Variants in PDPK1 observed in about 807,000 individuals in gnomAD.
The protein encoded by PDPK1 is 3-phosphoinositide-dependent protein kinase 1.
In PDPK1, 7 loss-of-function variants were observed where a neutral mutation model predicts 39.8. The observed-to-expected ratio is 0.18, with a 90% CI of 0.10 to 0.33. The LOEUF (loss-of-function observed/expected upper bound fraction) is 0.33. Ranked by LOEUF, PDPK1 falls within the 10% of genes least tolerant of loss-of-function variation. The probability of loss-of-function intolerance (pLI) is 1.00; values close to 1 mark genes in which losing one functional copy is unlikely to be tolerated. For synonymous variants in PDPK1, 118 were observed against 159.1 expected, an observed-to-expected ratio of 0.74 and a Z score of 1.95; for missense variants, 182 against 384.7, an observed-to-expected ratio of 0.47 and a Z score of 4.41.
At chr16:2,596,240 A>G (rs1012923689) in intron 12 of PDPK1, among the ~76,000 whole-genome samples, 3 of 152,122 alleles carry the variant, frequency 2.0e-5, no homozygotes, top group African/African-American at 7.2e-5. Flanking sequence ...CCCCCAGGCT[A>G]GAGTGCAGTG....
rs758033515 is a variant in PDPK1, at chr16:2,593,315, A to C, written c.1344-2478A>C. On this transcript the variant is annotated intron_variant, in intron 11 of 13. Coordinates refer to ENST00000342085, the MANE Select transcript of PDPK1 (RefSeq NM_002613.5). The surrounding 1 kb of genome is among the most constrained non-coding windows in gnomAD (Gnocchi z 4.2). Reference sequence around the variant, plus strand: ...TTCCAAGCCTCTCGTGGCACTGTGAATTTGCTGTGGGGTGCAGCTGATGGC... The same window carrying C: ...TTCCAAGCCTCTCGTGGCACTGTGACTTTGCTGTGGGGTGCAGCTGATGGC... 1.4e-4 allele frequency: 50 copies of C among 348,510 alleles called. No individual in the cohort carries two copies. The highest frequency in any genetic ancestry group is 8.9e-5 in the Non-Finnish European group (16 of 178,884). 21.6% of individuals were successfully genotyped at this position (348,510 alleles called of 1,614,324 possible).
At chr16:2,541,506 G>C (rs566639849) in intron 1 of PDPK1, among the ~76,000 whole-genome samples, 1 of 152,336 alleles carries the variant, frequency 6.6e-6, no homozygotes, top group South Asian at 2.1e-4. Context: ...AGGATGCCAC[G>C]TGGTGCTGCA....
intron 1 of PDPK1, chr16:2,553,997 A>G (rs2066464817): frequency 7.4e-6 from 1 of 135,012 alleles, no homozygotes; most frequent in Non-Finnish European, 1.6e-5. Context: ...TTGAATCACC[A>G]CCTCAAAATG....
chr16:2,542,280 C>T (rs555044485), intron 1 of PDPK1, among the ~76,000 whole-genome samples: 1 of 152,310 alleles, frequency 6.6e-6, no homozygotes, highest in African/African-American at 2.4e-5. Context: ...GTGCCTCAGG[C>T]TCCCAAGTAG....
rs1392687148 is a variant in PDPK1 at position 2,597,472 on chromosome 16, T to C, written c.1555-179T>C. ...GACACCCTGTGCTTGTTTTTCAGTT[T>C]GGTGGTGACTGGGGGTGGTGGTCAT... On this transcript the variant is annotated intron_variant, in intron 13 of 13. Coordinates refer to ENST00000342085, the MANE Select transcript of PDPK1 (RefSeq NM_002613.5). This position sits in a 1 kb window ranked among gnomAD's most constrained non-coding sequence, Gnocchi z 6.3. Among the ~76,000 whole-genome samples the C allele has an allele frequency of 2.6e-5, 4 of 152,166 alleles. No homozygotes were observed. The highest frequency in any genetic ancestry group is 5.9e-5 in the Non-Finnish European group (4 of 68,020).
Position 2,599,770 on chromosome 16 carries a change from C to G in PDPK1, c.*2003C>G, listed in dbSNP as rs1322708976. On this transcript the variant is annotated 3_prime_UTR_variant, in exon 14 of 14. Transcript: ENST00000342085. ...CCTGTGTCTCCATGTAGGAGAGTGGCTCTCTCAGATCTCTCAGGGCGTCTG... is the reference window on the plus strand; with the variant it reads ...CCTGTGTCTCCATGTAGGAGAGTGGGTCTCTCAGATCTCTCAGGGCGTCTG... 4.3e-6 allele frequency: 1 copy of G among 233,630 alleles called. No individual in the cohort carries two copies. The highest frequency in any genetic ancestry group is 8.4e-6 in the Non-Finnish European group (1 of 118,350). 14.5% of individuals were successfully genotyped at this position (233,630 alleles called of 1,614,324 possible).
intron 11 of PDPK1, among the ~76,000 whole-genome samples, chr16:2,587,157 A>G (rs1307377453): frequency 6.6e-6 from 1 of 152,192 alleles, no homozygotes; most frequent in Non-Finnish European, 1.5e-5. Context: ...TCACTGTGGT[A>G]TGGACAGACG....
rs552886028 is a variant in PDPK1, at chr16:2,596,222, T to C, written c.1401+372T>C. Among the ~76,000 whole-genome samples, 58 of 152,298 alleles carry C rather than the reference T, an allele frequency of 3.8e-4. No individual in the cohort carries two copies. The South Asian group carries it at 6.6e-3, about 17-fold the overall frequency. On this transcript the variant is annotated intron_variant, in intron 12 of 13. Transcript: ENST00000342085. ...TATTTTTTTCTTTGAGATGGAGTCT[T>C]GCTCTGTCCCCCAGGCTAGAGTGCA...
rs982704749 is a variant in PDPK1 at position 2,597,336 on chromosome 16, G to A, written c.1554+61G>A. The A allele has an allele frequency of 3.5e-6, 5 of 1,435,486 alleles. No homozygotes were observed. In the African/African-American group the frequency reaches 5.7e-5, roughly 16 times the overall value. 88.9% of individuals were successfully genotyped at this position (1,435,486 alleles called of 1,614,324 possible). A position where few individuals can be genotyped will look rare whatever the true frequency, so the allele number is the denominator to read the frequency against. On this transcript the variant is annotated intron_variant, in intron 13 of 13. Coordinates refer to ENST00000342085, the MANE Select transcript of PDPK1 (RefSeq NM_002613.5). This position sits in a 1 kb window ranked among gnomAD's most constrained non-coding sequence, Gnocchi z 6.3. ...AATGGGAGGGCTTTGCACCACGTGGGAAGCAGCCACAGGCCTTGGCCAGAG... is the reference window on the plus strand; with the variant it reads ...AATGGGAGGGCTTTGCACCACGTGGAAAGCAGCCACAGGCCTTGGCCAGAG...
chr16:2,545,185 G>A (rs1361276046), intron 1 of PDPK1, among the ~76,000 whole-genome samples: 3 of 151,642 alleles, frequency 2.0e-5, no homozygotes, highest in African/African-American at 7.3e-5. Context: ...TTACAGGTGT[G>A]TACCACCAGT....
Position 2,538,125 on chromosome 16 carries a change from A to G in PDPK1, c.13A>G (p.Thr5Ala), listed in dbSNP as rs1597008688. The G allele has an allele frequency of 2.8e-6, 3 of 1,065,396 alleles. No homozygotes were observed. The highest frequency in any genetic ancestry group is 3.4e-6 in the Non-Finnish European group (3 of 881,264). The allele number at this position is 1,065,396 out of a possible 1,614,324, so 66.0% of individuals were successfully genotyped here. The change falls in exon 1 of 14, where the codon ACC becomes GCC. Residue 5 changes from threonine (T) to alanine (A), a missense_variant. Around this residue, in one of 5 missense-constraint regions of PDPK1, gnomAD observed 14 missense variants for 16.3 expected, o/e 0.86. Transcript: ENST00000342085. ...CGACGCGGGGCCCATGGCCAGGACC[A>G]CCAGCCAGCTGGTGAGCGCGCGGCG... MART[T>A]SQLYDAVPIQ...
rs887357640 is a variant in PDPK1, at chr16:2,593,144, G to A, written c.1344-2649G>A. On this transcript the variant is annotated intron_variant, in intron 11 of 13. Transcript: ENST00000342085. This position sits in a 1 kb window ranked among gnomAD's most constrained non-coding sequence, Gnocchi z 4.2. ...CCGAGCGGGAGCACCACTCCTGCAC[G>A]CCCGTGCCTGTGGCATGCCCAGATG... 41 of 454,140 alleles carry A rather than the reference G, an allele frequency of 9.0e-5. No individual in the cohort carries two copies. The highest frequency in any genetic ancestry group is 1.2e-3 in the Middle Eastern group (2 of 1,616). The allele number at this position is 454,140 out of a possible 1,614,324, so 28.1% of individuals were successfully genotyped here.
chr16:2,545,580 C>T (rs552848685), intron 1 of PDPK1, among the ~76,000 whole-genome samples: 4 of 152,038 alleles, frequency 2.6e-5, no homozygotes, highest in African/African-American at 4.8e-5. Flanking sequence ...CTGTAACCTC[C>T]GCCTCCTGGG....
At chr16:2,538,274 G>C in intron 1 of PDPK1, 138 bp downstream of exon 1, 1 of 316,522 alleles carries the variant, frequency 3.2e-6, no homozygotes, top group Non-Finnish European at 4.7e-6. Flanking sequence ...CGGCCGGGCC[G>C]GGGATGGCGG....
In PDPK1 at chr16:2,538,084, G is replaced by T. The variant is rs902696558; in HGVS notation, c.-29G>T. ...AGGCGCCGAGCCGCGCAGCGCTGCG[G>T]GGGAGGCGCCCGCGCCGACGCGGGG... On this transcript the variant is annotated 5_prime_UTR_variant, in exon 1 of 14. Coordinates refer to ENST00000342085, the MANE Select transcript of PDPK1 (RefSeq NM_002613.5). 12 of 1,043,906 alleles carry T rather than the reference G, an allele frequency of 1.1e-5. No homozygotes were observed. Among genetic ancestry groups the T allele is most frequent in the Non-Finnish European group, 1.4e-5 (12 of 864,228 alleles). 64.7% of individuals were successfully genotyped at this position (1,043,906 alleles called of 1,614,324 possible).
At position 2,557,753 on chromosome 16, in the gene PDPK1, C is replaced by T. The variant is rs2141961739; in HGVS notation, c.75C>T (p.Ser25=). 1 of 920,350 alleles carries T rather than the reference C, an allele frequency of 1.1e-6. No individual in the cohort carries two copies. Among genetic ancestry groups the T allele is most frequent in the East Asian group, 2.6e-5 (1 of 37,846 alleles). 57.0% of individuals were successfully genotyped at this position (920,350 alleles called of 1,614,324 possible). The change falls in exon 2 of 14, where the codon TCC becomes TCT. Residue 25 remains serine (S), a synonymous_variant. Coordinates refer to ENST00000342085, the MANE Select transcript of PDPK1 (RefSeq NM_002613.5). ...GCGTGGTGTTATGTTCCTGCCCATC[C>T]CCATCAATGGTGAGGACCCAGACTG... ...QSSVVLCSCP[S]PSMVRTQTES...
intron 1 of PDPK1, among the ~76,000 whole-genome samples, chr16:2,542,540 A>G (rs2066263650): frequency 6.6e-6 from 1 of 152,136 alleles, no homozygotes; most frequent in Non-Finnish European, 1.5e-5. Flanking sequence ...TGTATGAAAA[A>G]GATGGACAAG....
rs1023131631 is a variant in PDPK1, at chr16:2,598,862, C to G, written c.*1095C>G. On this transcript the variant is annotated 3_prime_UTR_variant, in exon 14 of 14. Transcript: ENST00000342085. ...CACACGCCCCTTTTGTGTTTTGGTT[C>G]AAGTTTCTCAGAGCCCCTCAGAGCT... The G allele has an allele frequency of 4.3e-6, 1 of 233,264 alleles. No homozygotes were observed. Among genetic ancestry groups the G allele is most frequent in the African/African-American group, 2.2e-5 (1 of 45,342 alleles). The allele number at this position is 233,264 out of a possible 1,614,324, so 14.4% of individuals were successfully genotyped here. A position where few individuals can be genotyped will look rare whatever the true frequency, so the allele number is the denominator to read the frequency against.
rs1567170901 is a variant in PDPK1, at chr16:2,595,933, G to A, written c.1401+83G>A. On this transcript the variant is annotated intron_variant, in intron 12 of 13. Coordinates refer to ENST00000342085, the MANE Select transcript of PDPK1 (RefSeq NM_002613.5). ...GCTTAGGGGAGGGCAGCTTGGTGGC[G>A]TGGAATCCTTCCATCTCTTGATTTT... The A allele has an allele frequency of 1.3e-5, 13 of 979,936 alleles. No homozygotes were observed. In the East Asian group the frequency reaches 2.4e-4, roughly 18 times the overall value. The allele number at this position is 979,936 out of a possible 1,614,324, so 60.7% of individuals were successfully genotyped here. A position where few individuals can be genotyped will look rare whatever the true frequency, so the allele number is the denominator to read the frequency against.
Sources: allele counts gnomAD v4.1 joint callset (sites outside exome capture counted in the v4.1 genomes callset), GRCh38; gene constraint gnomAD v4.1.1; regional missense constraint gnomAD v4.1.1; non-coding constraint Gnocchi (gnomAD v3.1); transcripts MANE v1.5; gene names NCBI Gene and HGNC (gene_info 2026-07-23, HGNC 2026-07-21).